FHIT: variants seen among roughly 807,000 people sequenced by gnomAD.
FHIT encodes the protein fragile histidine triad diadenosine triphosphatase.
A neutral mutation model predicts 17.9 loss-of-function variants in FHIT; 19 were observed. The ratio of observed to expected loss-of-function variants is 1.06; its 90% CI spans 0.74 to 1.56. FHIT has a LOEUF of 1.56. Among genes scored for constraint, FHIT ranks in the 40% most tolerant of loss-of-function variants. FHIT has a pLI of 0.00. For missense variants in FHIT, 248 were observed against 189.2 expected (o/e 1.31, Z -1.82); for synonymous variants, 81 against 69.7 (o/e 1.16, Z -0.81).
chr3:60,609,517 G>A (rs2038717657), intron 4 of FHIT, among the ~76,000 whole-genome samples: 1 of 151,902 alleles, frequency 6.6e-6, no homozygotes, highest in African/African-American at 2.4e-5. Context: ...AGTACAGATG[G>A]GGTCTAACCA....
intron 4 of FHIT, chr3:60,553,444 AT>A: frequency 1.2e-5 from 5 of 422,908 alleles, no homozygotes; most frequent in Non-Finnish European, 1.6e-5. Context: ...GCTTTAAAAT[AT>A]ATATATATAT....
chr3:60,296,234 G>A (rs954475410), intron 5 of FHIT, among the ~76,000 whole-genome samples: 1 of 151,972 alleles, frequency 6.6e-6, no homozygotes, highest in African/African-American at 2.4e-5. Flanking sequence ...GAAGGAGGAG[G>A]GGAAAGAAGA....
chr3:60,899,546 A>C (rs1665726033), intron 3 of FHIT, among the ~76,000 whole-genome samples: 1 of 152,330 alleles, frequency 6.6e-6, no homozygotes. Flanking sequence ...ATAACGGTAA[A>C]GGCTGCTCAG....
chr3:59,831,265 A>G (rs1701153298), intron 8 of FHIT, among the ~76,000 whole-genome samples: 1 of 152,118 alleles, frequency 6.6e-6, no homozygotes, highest in Non-Finnish European at 1.5e-5. Context: ...ATTATCTGTG[A>G]TGCTGGTGAT....
intron 5 of FHIT, among the ~76,000 whole-genome samples, chr3:60,371,800 A>C (rs936888532): frequency 1.3e-5 from 2 of 150,756 alleles, no homozygotes; most frequent in African/African-American, 4.9e-5. Flanking sequence ...GCAATGATTG[A>C]TTATTTGAGA....
At chr3:60,131,026 T>TAC (rs1321556635) in intron 5 of FHIT, among the ~76,000 whole-genome samples, 2 of 77,828 alleles carry the variant, frequency 2.6e-5, no homozygotes, top group South Asian at 8.9e-4. Flanking sequence ...TACACATATA[T>TAC]ACATATGTGT....
intron 1 of FHIT, among the ~76,000 whole-genome samples, chr3:61,240,743 C>T (rs1224897345): frequency 6.6e-6 from 1 of 152,134 alleles, no homozygotes; most frequent in Non-Finnish European, 1.5e-5. Flanking sequence ...TTACAGTGCC[C>T]CCTTCTTTAC....
intron 5 of FHIT, among the ~76,000 whole-genome samples, chr3:60,106,510 T>C (rs553742312): frequency 1.3e-5 from 2 of 152,166 alleles, no homozygotes; most frequent in African/African-American, 4.8e-5. Context: ...TGAACAGAAA[T>C]GTGTTCGTTC....
chr3:59,935,831 T>A (rs1039061685), intron 7 of FHIT, among the ~76,000 whole-genome samples: 1 of 152,114 alleles, frequency 6.6e-6, no homozygotes, highest in Non-Finnish European at 1.5e-5. Context: ...TTAGCTTGCT[T>A]AAAAGAAGAA....
chr3:60,721,270 C>T (rs966345390), intron 4 of FHIT, among the ~76,000 whole-genome samples: 1 of 152,114 alleles, frequency 6.6e-6, no homozygotes, highest in East Asian at 1.9e-4. Context: ...GCCTCCTCTT[C>T]CAAATAACCA....
chr3:60,364,106 A>G (rs569262748), intron 5 of FHIT, among the ~76,000 whole-genome samples: 2 of 152,300 alleles, frequency 1.3e-5, no homozygotes, highest in East Asian at 3.9e-4. Flanking sequence ...TATACTCTTT[A>G]ATATATGCTG....
At chr3:59,757,869 TTATTAC>T (rs1473905808) in intron 8 of FHIT, among the ~76,000 whole-genome samples, 1 of 152,202 alleles carries the variant, frequency 6.6e-6, no homozygotes, top group Non-Finnish European at 1.5e-5. Context: ...TGATCCTCTC[TTATTAC>T]TTTCTATTCA....
chr3:60,166,729 G>A (rs1195320839), intron 5 of FHIT, among the ~76,000 whole-genome samples: 1 of 152,090 alleles, frequency 6.6e-6, no homozygotes, highest in Non-Finnish European at 1.5e-5. Context: ...CATGTCCTGG[G>A]TTTCTCTTCT....
chr3:60,288,320 G>A (rs213376), intron 5 of FHIT, among the ~76,000 whole-genome samples: 58,093 of 151,890 alleles, frequency 0.38, 12,089 homozygotes, highest in Non-Finnish European at 0.47. Context: ...AATACAAGGT[G>A]GGAGGAGATG....
intron 5 of FHIT, among the ~76,000 whole-genome samples, chr3:60,232,275 A>C (rs1704536077): frequency 6.6e-6 from 1 of 152,152 alleles, no homozygotes; most frequent in East Asian, 1.9e-4. Flanking sequence ...CAGACTTTTC[A>C]GATTTACTCA....
intron 5 of FHIT, among the ~76,000 whole-genome samples, chr3:60,258,452 A>G (rs970546186): frequency 2.0e-5 from 3 of 151,898 alleles, no homozygotes; most frequent in Admixed American, 1.3e-4. Flanking sequence ...AAATAAAATC[A>G]CCTCCTTAAC....
At chr3:59,787,694 A>T (rs1479008547) in intron 8 of FHIT, among the ~76,000 whole-genome samples, 1 of 152,220 alleles carries the variant, frequency 6.6e-6, no homozygotes, top group East Asian at 1.9e-4. Flanking sequence ...CAAGGGAAGC[A>T]CTTTGCAAGA....
chr3:60,439,088 A>G (rs1183072256), intron 5 of FHIT, among the ~76,000 whole-genome samples: 1 of 152,172 alleles, frequency 6.6e-6, no homozygotes, highest in African/African-American at 2.4e-5. Flanking sequence ...ACAAGGTGAG[A>G]AAGATGATTA....
intron 5 of FHIT, among the ~76,000 whole-genome samples, chr3:60,153,364 G>GA (rs71089587): frequency 0.22 from 23,242 of 105,790 alleles, 2,191 homozygotes; most frequent in Middle Eastern, 0.27. Flanking sequence ...CAATTCACCA[G>GA]AAAAAAAAAA....
Sources: gnomAD v4.1 joint callset for allele counts (sites outside exome capture counted in the v4.1 genomes callset) on GRCh38, gnomAD v4.1.1 for gene constraint, MANE v1.5 for transcripts, NCBI Gene and HGNC (gene_info 2026-07-23, HGNC 2026-07-21) for gene names.